Variants in PCDHGB3 observed in about 807,000 individuals in gnomAD.
The protein encoded by PCDHGB3 is protocadherin gamma subfamily B, 3.
In PCDHGB3, 40 loss-of-function variants were observed where a neutral mutation model predicts 59.2. The ratio of observed to expected loss-of-function variants is 0.68; its 90% CI spans 0.52 to 0.88. The LOEUF is 0.88. Among genes scored for constraint, PCDHGB3 ranks in the 40% least tolerant of loss-of-function variants. The pLI is 0.00. For missense variants in PCDHGB3, 1,309 were observed against 1,187.9 expected (o/e 1.10, Z -1.50); for synonymous variants, 581 against 503.6 (o/e 1.15, Z -2.06).
At chr5:141,428,064 G>C in intron 1 of PCDHGB3, 1 of 1,609,060 alleles carries the variant, frequency 6.2e-7, no homozygotes, top group East Asian at 2.2e-5. Flanking sequence ...GGCGGTGGAC[G>C]CAGATTCGGG....
intron 1 of PCDHGB3, chr5:141,414,982 G>A (rs1415279007): frequency 3.7e-6 from 6 of 1,613,712 alleles, no homozygotes; most frequent in Admixed American, 1.7e-5. Flanking sequence ...CAGAGACTCC[G>A]GCCAGAACGC....
chr5:141,450,823 A>ATT (rs1453980247), intron 1 of PCDHGB3, among the ~76,000 whole-genome samples: 2 of 133,076 alleles, frequency 1.5e-5, no homozygotes, highest in East Asian at 2.2e-4. Flanking sequence ...TAATATTATT[A>ATT]TTATTATTTT....
At chr5:141,388,126 G>T (rs531546122) in intron 1 of PCDHGB3, 7 of 1,431,030 alleles carry the variant, frequency 4.9e-6, no homozygotes, top group East Asian at 2.4e-5. Flanking sequence ...AGCGCAGAGA[G>T]CGGGGAGTTG....
intron 1 of PCDHGB3, among the ~76,000 whole-genome samples, chr5:141,373,138 T>A (rs1047353742): frequency 6.6e-6 from 1 of 152,246 alleles, no homozygotes; most frequent in South Asian, 2.1e-4. Flanking sequence ...TCCTCACAAT[T>A]AAGTGGTTTA....
intron 1 of PCDHGB3, among the ~76,000 whole-genome samples, chr5:141,457,628 C>T (rs1210673176): frequency 6.6e-6 from 1 of 152,244 alleles, no homozygotes; most frequent in Non-Finnish European, 1.5e-5. Context: ...TAATCTTATA[C>T]TTGGCCTGAT....
At chr5:141,389,860 ACC>A (rs2091950057) in intron 1 of PCDHGB3, 1 of 1,613,934 alleles carries the variant, frequency 6.2e-7, no homozygotes, top group Non-Finnish European at 8.5e-7. Context: ...GCCACGTTGC[ACC>A]TGGTCTTCGC....
rs755706235 is a variant in PCDHGB3 at position 141,476,450 on chromosome 5, G to A, written c.2416-18357G>A. ...TTGCACTGTAACTCTGGAGTTGGTA[G>A]TGGAGAACCCGCTGGAGCTGTTCAG... On this transcript the variant is annotated intron_variant, in intron 1 of 3. Transcript: ENST00000576222. The surrounding 1 kb of genome is among the most constrained non-coding windows in gnomAD (Gnocchi z 7.6). The A allele has an allele frequency of 6.2e-7, 1 of 1,614,180 alleles. No individual in the cohort carries two copies. The highest frequency in any genetic ancestry group is 8.5e-7 in the Non-Finnish European group (1 of 1,180,040).
intron 1 of PCDHGB3, chr5:141,408,762 A>G (rs369793035): frequency 1.9e-5 from 30 of 1,610,942 alleles, no homozygotes; most frequent in Non-Finnish European, 2.3e-5. Flanking sequence ...GTTAATTCCG[A>G]TGGTGGCAAA....
chr5:141,375,992 G>A (rs1277276450), intron 1 of PCDHGB3: 9 of 1,613,328 alleles, frequency 5.6e-6, no homozygotes, highest in Admixed American at 1.7e-5. Flanking sequence ...GGACAGAGAC[G>A]CGCTCAAGCA....
chr5:141,375,487 T>G, intron 1 of PCDHGB3: 1 of 1,613,830 alleles, frequency 6.2e-7, no homozygotes, highest in Non-Finnish European at 8.5e-7. Context: ...ACCCCAGGGG[T>G]GCCTCCATCT....
At chr5:141,375,657 TGA>T in intron 1 of PCDHGB3, 1 of 1,614,192 alleles carries the variant, frequency 6.2e-7, no homozygotes, top group Non-Finnish European at 8.5e-7. Flanking sequence ...TATGAGCAGT[TGA>T]GAGACCTACA....
chr5:141,376,310 G>C, intron 1 of PCDHGB3: 1 of 1,613,946 alleles, frequency 6.2e-7, no homozygotes. Flanking sequence ...CTTTGTGGGC[G>C]TGGAAGGGGT....
rs1378433689 is a variant in PCDHGB3, at chr5:141,409,139, G to A, written c.2415+36330G>A. Reference sequence around the variant, plus strand: ...CCAGTCATTTGATTTTGAAGATGTAGAAAGGTACACCATGGAAGTGGAAGC... The same window carrying A: ...CCAGTCATTTGATTTTGAAGATGTAAAAAGGTACACCATGGAAGTGGAAGC... On this transcript the variant is annotated intron_variant, in intron 1 of 3. Transcript: ENST00000576222. 5.6e-6 allele frequency: 9 copies of A among 1,613,894 alleles called. No homozygotes were observed. In the Admixed American group the frequency reaches 1.5e-4, roughly 27 times the overall value.
Position 141,374,740 on chromosome 5 carries a change from C to T in PCDHGB3, c.2415+1931C>T, listed in dbSNP as rs1337639511. On this transcript the variant is annotated intron_variant, in intron 1 of 3. Transcript: ENST00000576222. ...TCCTTACTGCCATGGATGGCGGCGA[C>T]CCTGTCCGCTCAAGCGTCGCCCAAA... 7 of 1,611,592 alleles carry T rather than the reference C, an allele frequency of 4.3e-6. No homozygotes were observed. In the South Asian group the frequency reaches 6.6e-5, roughly 15 times the overall value.
At chr5:141,390,348 A>G in intron 1 of PCDHGB3, 1 of 1,572,378 alleles carries the variant, frequency 6.4e-7, no homozygotes, top group Middle Eastern at 1.7e-4. Flanking sequence ...ACAAGAAAAT[A>G]TACATATTTG....
At chr5:141,443,704 C>T (rs894128704) in intron 1 of PCDHGB3, among the ~76,000 whole-genome samples, 6 of 152,102 alleles carry the variant, frequency 3.9e-5, no homozygotes, top group Non-Finnish European at 7.4e-5. Flanking sequence ...TATAGAATAA[C>T]ATTTGCATAT....
Position 141,394,738 on chromosome 5 carries a change from T to G in PCDHGB3, c.2415+21929T>G. ...GACAGAGATGCGCTCAAGCAGAGCCTCGTGGTGGCCGTCCAGGACCATGGC... is the reference window on the plus strand; with the variant it reads ...GACAGAGATGCGCTCAAGCAGAGCCGCGTGGTGGCCGTCCAGGACCATGGC... On this transcript the variant is annotated intron_variant, in intron 1 of 3. Coordinates refer to ENST00000576222, the MANE Select transcript of PCDHGB3 (RefSeq NM_018924.5). 3 of 1,613,412 alleles carry G rather than the reference T, an allele frequency of 1.9e-6. No homozygotes were observed. The African/African-American group carries it at 4.0e-5, about 21-fold the overall frequency.
At chr5:141,484,454 G>T (rs932663778) in intron 1 of PCDHGB3, among the ~76,000 whole-genome samples, 2 of 152,212 alleles carry the variant, frequency 1.3e-5, no homozygotes, top group Non-Finnish European at 2.9e-5. Context: ...AATTGGCTAC[G>T]TTAATGTGTA....
chr5:141,493,338 A>G lies in PCDHGB3; in HGVS notation c.2416-1469A>G, dbSNP rs773870729. Among the ~76,000 whole-genome samples the G allele has an allele frequency of 6.6e-6, 1 of 152,162 alleles. No individual in the cohort carries two copies. The highest frequency in any genetic ancestry group is 1.5e-5 in the Non-Finnish European group (1 of 68,028). On this transcript the variant is annotated intron_variant, in intron 1 of 3. Transcript: ENST00000576222. This position sits in a 1 kb window ranked among gnomAD's most constrained non-coding sequence, Gnocchi z 4.3. ...GATTCTAACCCCTGTCTAACTCCAG[A>G]ATGTGTGCTTTTAATTTCTTGGCAC...
Sources: gnomAD v4.1 joint callset for allele counts (sites outside exome capture counted in the v4.1 genomes callset) on GRCh38, gnomAD v4.1.1 for gene constraint, Gnocchi (gnomAD v3.1) non-coding constraint, MANE v1.5 for transcripts, NCBI Gene and HGNC (gene_info 2026-07-23, HGNC 2026-07-21) for gene names.